DIS3: variants seen among roughly 807,000 people sequenced by gnomAD.
The protein encoded by DIS3 is exosome complex exonuclease RRP44.
In DIS3, 103 loss-of-function variants were observed where a neutral mutation model predicts 113.0. That is an observed-to-expected ratio of 0.91 (90% confidence interval 0.78 to 1.07). The LOEUF (loss-of-function observed/expected upper bound fraction) is 1.07, where lower values mean the gene tolerates loss of function less well. Among genes scored for constraint, DIS3 ranks in the 50% least tolerant of loss-of-function variants. DIS3 has a pLI of 0.00. For missense variants in DIS3, 1,121 were observed against 1,167.1 expected, an observed-to-expected ratio of 0.96 and a Z score of 0.58; for synonymous variants, 402 against 394.3, an observed-to-expected ratio of 1.02 and a Z score of -0.23.
chr13:72,759,902 A>C, intron 20 of DIS3, 24 bp from the exon 21 acceptor site: 1 of 1,572,734 alleles, frequency 6.4e-7, no homozygotes, highest in Non-Finnish European at 8.7e-7. Context: ...AATGGGGGGA[A>C]ATAAGGTGAT....
chr13:72,753,747 G>C lies in DIS3; in HGVS notation c.*6048C>G, dbSNP rs1376895443. On this transcript the variant is annotated 3_prime_UTR_variant, in exon 21 of 21. Transcript: ENST00000377767. The stretch of plus-strand genomic sequence containing the variant: ...AAGCAATATTATGGATACAGTTGGG[G>C]CAGAAAGTTACTGCAAAGAAAGTGA... 4 of 1,613,540 alleles carry C rather than the reference G, an allele frequency of 2.5e-6. No individual in the cohort carries two copies. Among genetic ancestry groups the C allele is most frequent in the Non-Finnish European group, 2.5e-6 (3 of 1,179,674 alleles).
In DIS3 at chr13:72,759,262, C is replaced by T. The variant is rs947443073; in HGVS notation, c.*533G>A. On this transcript the variant is annotated 3_prime_UTR_variant, in exon 21 of 21. Coordinates refer to ENST00000377767, the MANE Select transcript of DIS3 (RefSeq NM_014953.5). ...AACATTCACAGTTTTTCAAGGACCA[C>T]TAATAAAATACAGGAAGCTTTTAAA... 4.0e-5 allele frequency: 8 copies of T among 201,980 alleles called. No individual in the cohort carries two copies. The highest frequency in any genetic ancestry group is 8.1e-5 in the Non-Finnish European group (8 of 98,250). 12.5% of individuals were successfully genotyped at this position (201,980 alleles called of 1,614,324 possible).
At chr13:72,760,865 A>G (rs1436044419) in intron 19 of DIS3, among the ~76,000 whole-genome samples, 1 of 151,956 alleles carries the variant, frequency 6.6e-6, no homozygotes. Flanking sequence ...TATTTCTAAT[A>G]TATATGTTCA....
Position 72,768,927 on chromosome 13 carries a change from G to A in DIS3, c.1756-15C>T. On this transcript the variant is annotated splice_polypyrimidine_tract_variant and intron_variant, in intron 13 of 20. Transcript: ENST00000377767. ...GTCAGAGATGCCTAAAAAAGAAAAT[G>A]TATGTTATATAATTCTTATAAATGA... The A allele has an allele frequency of 6.5e-7, 1 of 1,539,088 alleles. No homozygotes were observed. Among genetic ancestry groups the A allele is most frequent in the Non-Finnish European group, 8.9e-7 (1 of 1,121,666 alleles).
intron 14 of DIS3, 127 bp downstream of exon 14, chr13:72,768,658 A>C: frequency 1.5e-6 from 1 of 675,986 alleles, no homozygotes; most frequent in Non-Finnish European, 2.3e-6. Flanking sequence ...ACATACATAC[A>C]TACATAAATG....
chr13:72,781,266 G>GT, intron 1 of DIS3: 1 of 1,551,082 alleles, frequency 6.4e-7, no homozygotes, highest in South Asian at 1.2e-5. Flanking sequence ...GGCCCACATA[G>GT]TTTTTTGTTC....
In DIS3 at chr13:72,753,911, CTA is replaced by C. The variant is rs2033356427; in HGVS notation, c.*5882_*5883del. On this transcript the variant is annotated 3_prime_UTR_variant, in exon 21 of 21. Transcript: ENST00000377767. Reference sequence around the variant, plus strand: ...ATTAGACAATAGTACTATTGAGAAACTATATGAAATTTAAAACACTAAAAGGT... The same window carrying C: ...ATTAGACAATAGTACTATTGAGAAACTATGAAATTTAAAACACTAAAAGGT... 7.2e-6 allele frequency: 9 copies of C among 1,258,714 alleles called. No homozygotes were observed. The highest frequency in any genetic ancestry group is 6.5e-6 in the Non-Finnish European group (6 of 918,020). The allele number at this position is 1,258,714 out of a possible 1,614,324, so 78.0% of individuals were successfully genotyped here.
In DIS3 at chr13:72,753,847, T is replaced by C. The variant is rs766388101; in HGVS notation, c.*5948A>G. ...GTACGGAGAAAATATAGTGAAAGCT[T>C]AATATTGTTTAGATTAGAAATATAA... On this transcript the variant is annotated 3_prime_UTR_variant, in exon 21 of 21. Transcript: ENST00000377767. 6.3e-7 allele frequency: 1 copy of C among 1,576,282 alleles called. No homozygotes were observed. The highest frequency in any genetic ancestry group is 8.7e-7 in the Non-Finnish European group (1 of 1,149,376).
chr13:72,777,295 C>A (rs2034038768), intron 4 of DIS3, 125 bp downstream of exon 4: 2 of 866,038 alleles, frequency 2.3e-6, no homozygotes, highest in African/African-American at 3.4e-5. Flanking sequence ...CTGTTTATAA[C>A]ACAACTATTC....
chr13:72,762,421 G>A (rs1455982325), intron 16 of DIS3, among the ~76,000 whole-genome samples: 3 of 152,114 alleles, frequency 2.0e-5, no homozygotes, highest in Admixed American at 6.5e-5. Flanking sequence ...GACAATGAAG[G>A]AAAAAATCCC....
chr13:72,772,206 T>C lies in DIS3; in HGVS notation c.1456A>G (p.Ile486Val), dbSNP rs767296373. 24 of 1,613,588 alleles carry C rather than the reference T, an allele frequency of 1.5e-5. No homozygotes were observed. Among genetic ancestry groups the C allele is most frequent in the Non-Finnish European group, 1.9e-5 (23 of 1,179,888 alleles). ...TCTCGACAATGTAGAGCATCGTCTA[T>C]ATCAGTACATCCTGGTGGGTCTACA... ...CSVDPPGCTDIDDALHCRELE... is the reference protein window; with the variant it reads ...CSVDPPGCTDVDDALHCRELE... The change falls in exon 10 of 21, where the codon ATA becomes GTA. Residue 486 changes from isoleucine (I) to valine (V), a missense_variant. Physicochemically the swap from Ile to Val is conservative, Grantham distance 29. Transcript: ENST00000377767.
intron 4 of DIS3, among the ~76,000 whole-genome samples, chr13:72,777,127 C>G (rs535457633): frequency 6.6e-6 from 1 of 152,220 alleles, no homozygotes; most frequent in Non-Finnish European, 1.5e-5. Flanking sequence ...TCAGCAGCTA[C>G]TCTTTATTCA....
chr13:72,766,067 AAATT>A lies in DIS3; in HGVS notation c.1884-13_1884-10del. On this transcript the variant is annotated splice_polypyrimidine_tract_variant and intron_variant, in intron 14 of 20. Coordinates refer to ENST00000377767, the MANE Select transcript of DIS3 (RefSeq NM_014953.5). The stretch of plus-strand genomic sequence containing the variant: ...AGGATAGAGTCAAAGCCCTACATAA[AAATT>A]AAAGAGAAAAATTATAGTCAAGCAA... The A allele has an allele frequency of 6.3e-7, 1 of 1,586,568 alleles. No homozygotes were observed. The highest frequency in any genetic ancestry group is 8.6e-7 in the Non-Finnish European group (1 of 1,168,826).
intron 1 of DIS3, 169 bp downstream of exon 1, chr13:72,781,436 A>G (rs748745614): frequency 1.2e-3 from 1,807 of 1,500,466 alleles, no homozygotes; most frequent in Non-Finnish European, 1.4e-3. Context: ...TTTAAAGCAC[A>G]AGGAAAAGAA....
At chr13:72,775,418 T>C (rs2033990478) in intron 5 of DIS3, 43 bp from the exon 6 acceptor site, 4 of 1,546,046 alleles carry the variant, frequency 2.6e-6, no homozygotes, top group Non-Finnish European at 3.5e-6. Context: ...TTATTTTTAA[T>C]GGCAATATAA....
intron 14 of DIS3, among the ~76,000 whole-genome samples, chr13:72,768,060 CT>C (rs964430131): frequency 6.6e-6 from 1 of 152,114 alleles, no homozygotes; most frequent in African/African-American, 2.4e-5. Flanking sequence ...GGGAAGACTC[CT>C]TTTATGCAAC....
In DIS3 at chr13:72,760,595, CACTTTA is replaced by C. The variant is rs759171810; in HGVS notation, c.2721_2726del (p.Val909_Lys910del). 4.2e-5 allele frequency: 67 copies of C among 1,613,302 alleles called. No homozygotes were observed. The highest frequency in any genetic ancestry group is 5.3e-5 in the Non-Finnish European group (62 of 1,179,540). Reference sequence around the variant, plus strand: ...GATTAGATGAGTCTAACATGATTTTCACTTTAACTTTATCAAATACATGGAACACTG... The same window carrying C: ...GATTAGATGAGTCTAACATGATTTTCACTTTATCAAATACATGGAACACTG... On this transcript the variant is annotated inframe_deletion, in exon 20 of 21. Coordinates refer to ENST00000377767, the MANE Select transcript of DIS3 (RefSeq NM_014953.5).
Position 72,772,773 on chromosome 13 carries a change from C to CA in DIS3, c.1305dup (p.Glu436Ter). The CA allele has an allele frequency of 6.2e-7, 1 of 1,613,360 alleles. No individual in the cohort carries two copies. The highest frequency in any genetic ancestry group is 1.7e-4 in the Middle Eastern group (1 of 6,058). Reference sequence around the variant, plus strand: ...AAAGGCTGATGGGGAACATCGTGTTCAAGTAACAAAACTTCTGTTTCAGTC... The same window carrying CA: ...AAAGGCTGATGGGGAACATCGTGTTCAAAGTAACAAAACTTCTGTTTCAGTC... On this transcript the variant is annotated frameshift_variant, in exon 9 of 21. Coordinates refer to ENST00000377767, the MANE Select transcript of DIS3 (RefSeq NM_014953.5). LOFTEE classifies it high-confidence loss of function.
At chr13:72,762,762 G>T (rs958330428) in intron 16 of DIS3, among the ~76,000 whole-genome samples, 3 of 151,856 alleles carry the variant, frequency 2.0e-5, no homozygotes, top group African/African-American at 7.3e-5. Context: ...TCTTTTCCAT[G>T]TATGCAATAA....
Sources: gnomAD v4.1 joint callset for allele counts (sites outside exome capture counted in the v4.1 genomes callset) on GRCh38, gnomAD v4.1.1 for gene constraint, MANE v1.5 for transcripts, NCBI Gene and HGNC (gene_info 2026-07-23, HGNC 2026-07-21) for gene names.